RALYL: variants seen among roughly 807,000 people sequenced by gnomAD.
RALYL encodes RALY RNA binding protein like.
RALYL carries 29 observed loss-of-function variants against 35.1 expected under a neutral mutation model. The observed-to-expected ratio is 0.83, with a 90% confidence interval of 0.61 to 1.13. The LOEUF is 1.13. Ranked by LOEUF, RALYL falls within the 50% of genes most tolerant of loss-of-function variation. The pLI is 0.00. For missense variants in RALYL, 359 were observed against 360.4 expected (o/e 1.00, Z 0.03); for synonymous variants, 120 against 127.6 (o/e 0.94, Z 0.40).
chr8:84,434,195 T>C (rs1335295898), intron 1 of RALYL, among the ~76,000 whole-genome samples: 1 of 152,016 alleles, frequency 6.6e-6, no homozygotes, highest in Non-Finnish European at 1.5e-5. Flanking sequence ...TGTGCCTGTG[T>C]CCTCATCTCT....
At chr8:84,770,086 G>A (rs1452100946) in intron 2 of RALYL, among the ~76,000 whole-genome samples, 1 of 151,928 alleles carries the variant, frequency 6.6e-6, no homozygotes, top group African/African-American at 2.4e-5. Flanking sequence ...TGGCGAACAG[G>A]TGGTATTTGG....
intron 1 of RALYL, among the ~76,000 whole-genome samples, chr8:84,526,084 T>TG (rs1300210825): frequency 4.0e-5 from 6 of 151,422 alleles, no homozygotes; most frequent in Non-Finnish European, 8.8e-5. Context: ...TCCGAGTAGC[T>TG]GGGATTTACA....
At chr8:84,215,024 G>A (rs994042447) in intron 1 of RALYL, among the ~76,000 whole-genome samples, 5 of 151,550 alleles carry the variant, frequency 3.3e-5, no homozygotes, top group Non-Finnish European at 5.9e-5. Context: ...TCCTGCCTCA[G>A]CCTCCCGAGT....
At chr8:84,528,661 C>T (rs1259849338) in intron 1 of RALYL, among the ~76,000 whole-genome samples, 1 of 151,984 alleles carries the variant, frequency 6.6e-6, no homozygotes, top group Non-Finnish European at 1.5e-5. Flanking sequence ...CTGACATGTA[C>T]TATTGGTTCA....
chr8:84,780,031 G>A (rs759367246), intron 3 of RALYL, among the ~76,000 whole-genome samples: 1 of 152,182 alleles, frequency 6.6e-6, no homozygotes, highest in African/African-American at 2.4e-5. Flanking sequence ...ATTAGCTATT[G>A]ATCATTTTAT....
chr8:84,416,831 C>A (rs1231677475), intron 1 of RALYL, among the ~76,000 whole-genome samples: 1 of 152,230 alleles, frequency 6.6e-6, no homozygotes, highest in African/African-American at 2.4e-5. Context: ...AAAGAATATA[C>A]TTTACCCAAT....
At chr8:84,683,486 T>C (rs1332888252) in intron 2 of RALYL, among the ~76,000 whole-genome samples, 1 of 152,170 alleles carries the variant, frequency 6.6e-6, no homozygotes, top group African/African-American at 2.4e-5. Context: ...TAAGTCTATT[T>C]GTAGGTCTCT....
intron 2 of RALYL, among the ~76,000 whole-genome samples, chr8:84,705,315 G>A (rs1003799988): frequency 6.6e-6 from 1 of 152,028 alleles, no homozygotes; most frequent in African/African-American, 2.4e-5. Context: ...TTGGGGGTGG[G>A]GGAAGCTTCT....
chr8:84,768,087 G>A (rs1468235819), intron 2 of RALYL, among the ~76,000 whole-genome samples: 2 of 152,154 alleles, frequency 1.3e-5, no homozygotes, highest in Admixed American at 6.6e-5. Flanking sequence ...TAGCTTATGA[G>A]AGCGTAGAAA....
intron 7 of RALYL, among the ~76,000 whole-genome samples, chr8:84,885,334 T>C (rs1229197552): frequency 6.6e-6 from 1 of 152,122 alleles, no homozygotes; most frequent in African/African-American, 2.4e-5. Flanking sequence ...AGTTTTACCT[T>C]CTTAAATTGG....
At chr8:84,575,620 A>G (rs1041779617) in intron 2 of RALYL, among the ~76,000 whole-genome samples, 2 of 152,092 alleles carry the variant, frequency 1.3e-5, no homozygotes, top group Admixed American at 1.3e-4. Flanking sequence ...ATAAATGGGA[A>G]CTCTGTGCCT....
intron 1 of RALYL, among the ~76,000 whole-genome samples, chr8:84,232,098 G>A (rs1291875086): frequency 5.3e-5 from 8 of 152,054 alleles, no homozygotes; most frequent in Admixed American, 3.3e-4. Flanking sequence ...TATAAATTTC[G>A]GATGAATGGG....
intron 1 of RALYL, among the ~76,000 whole-genome samples, chr8:84,432,731 G>A (rs2047272984): frequency 6.6e-6 from 1 of 152,086 alleles, no homozygotes; most frequent in South Asian, 2.1e-4. Flanking sequence ...TACAAAGGAA[G>A]ATGCCACGTG....
chr8:84,501,226 A>G (rs2056622605), intron 1 of RALYL, among the ~76,000 whole-genome samples: 1 of 152,184 alleles, frequency 6.6e-6, no homozygotes, highest in Admixed American at 6.5e-5. Flanking sequence ...AAGAAAGTGC[A>G]GCTATGTAAA....
intron 4 of RALYL, among the ~76,000 whole-genome samples, chr8:84,835,879 G>A (rs1485325357): frequency 6.6e-6 from 1 of 151,890 alleles, no homozygotes; most frequent in Non-Finnish European, 1.5e-5. Context: ...AGTAGAGCCA[G>A]ACAGAGCGTA....
intron 6 of RALYL, among the ~76,000 whole-genome samples, chr8:84,869,390 G>C (rs1415379475): frequency 1.3e-5 from 2 of 152,026 alleles, no homozygotes; most frequent in Non-Finnish European, 2.9e-5. Flanking sequence ...ATGTATAATG[G>C]CTGGGGAAAA....
intron 2 of RALYL, among the ~76,000 whole-genome samples, chr8:84,552,170 A>G (rs979369885): frequency 6.0e-5 from 9 of 150,632 alleles, no homozygotes; most frequent in Non-Finnish European, 1.3e-4. Flanking sequence ...GAACAGTGAG[A>G]GGAAAGTTTT....
chr8:84,763,117 C>T (rs375965856), intron 2 of RALYL, among the ~76,000 whole-genome samples: 11 of 152,128 alleles, frequency 7.2e-5, no homozygotes, highest in African/African-American at 2.4e-4. Context: ...TATAAAATAC[C>T]TCACATAGCA....
intron 4 of RALYL, among the ~76,000 whole-genome samples, chr8:84,807,152 T>G (rs991039868): frequency 6.6e-6 from 1 of 152,156 alleles, no homozygotes; most frequent in South Asian, 2.1e-4. Flanking sequence ...CTTTTAGCCC[T>G]CACCCCCCTC....
Sources: gnomAD v4.1 joint callset for allele counts (sites outside exome capture counted in the v4.1 genomes callset) on GRCh38, gnomAD v4.1.1 for gene constraint, MANE v1.5 for transcripts, NCBI Gene and HGNC (gene_info 2026-07-23, HGNC 2026-07-21) for gene names.